Variants in LRMDA observed in about 807,000 individuals in gnomAD.
LRMDA encodes the protein leucine rich melanocyte differentiation associated, also known as leucine-rich melanocyte differentiation-associated protein.
LRMDA carries 18 observed loss-of-function variants against 29.8 expected under a neutral mutation model. That is an observed-to-expected ratio of 0.60 (90% confidence interval 0.42 to 0.90). The LOEUF (loss-of-function observed/expected upper bound fraction) is 0.90, where lower values mean the gene tolerates loss of function less well. Among genes scored for constraint, LRMDA ranks in the 40% least tolerant of loss-of-function variants. The pLI, the probability that LRMDA is intolerant of heterozygous loss-of-function variation, is 0.00. For missense variants in LRMDA, 273 were observed against 273.9 expected (o/e 1.00, Z 0.02); for synonymous variants, 125 against 109.4 (o/e 1.14, Z -0.89).
At chr10:76,286,623 C>T (rs1044099504) in intron 5 of LRMDA, among the ~76,000 whole-genome samples, 1 of 152,144 alleles carries the variant, frequency 6.6e-6, no homozygotes, top group African/African-American at 2.4e-5. Flanking sequence ...TAGCAAAAAT[C>T]AACCCACCAT....
intron 2 of LRMDA, among the ~76,000 whole-genome samples, chr10:75,562,542 AT>A: frequency 6.6e-6 from 1 of 152,160 alleles, no homozygotes; most frequent in South Asian, 2.1e-4. Flanking sequence ...TAAAGTTAAT[AT>A]TGTTATGTGT....
intron 6 of LRMDA, among the ~76,000 whole-genome samples, chr10:76,400,130 G>A (rs936894263): frequency 6.6e-6 from 1 of 152,204 alleles, no homozygotes; most frequent in African/African-American, 2.4e-5. Flanking sequence ...TGATCTTGAT[G>A]AAGTAAGAAG....
chr10:76,171,569 T>A (rs545450236), intron 5 of LRMDA, among the ~76,000 whole-genome samples: 2 of 152,318 alleles, frequency 1.3e-5, no homozygotes, highest in Admixed American at 1.3e-4. Flanking sequence ...TACCCACTGC[T>A]CTGGCCTTTA....
chr10:76,138,343 A>T (rs1850134989), intron 5 of LRMDA, among the ~76,000 whole-genome samples: 1 of 152,108 alleles, frequency 6.6e-6, no homozygotes, highest in African/African-American at 2.4e-5. Context: ...CCACTCCTTG[A>T]ATTTTGCCCA....
At chr10:75,551,457 T>C (rs1003684510) in intron 2 of LRMDA, among the ~76,000 whole-genome samples, 18 of 152,062 alleles carry the variant, frequency 1.2e-4, no homozygotes, top group African/African-American at 4.1e-4. Context: ...CTACATTATG[T>C]ATGTCTTCTA....
intron 6 of LRMDA, among the ~76,000 whole-genome samples, chr10:76,375,804 G>A (rs1841510341): frequency 1.3e-5 from 2 of 149,952 alleles, no homozygotes; most frequent in African/African-American, 2.5e-5. Flanking sequence ...GCTTGATAAA[G>A]AGCATAGTCT....
chr10:75,621,281 T>G (rs1841183252), intron 2 of LRMDA, among the ~76,000 whole-genome samples: 1 of 151,996 alleles, frequency 6.6e-6, no homozygotes, highest in African/African-American at 2.4e-5. Context: ...TTGATGGGCA[T>G]TTGGGCTGGT....
At chr10:76,384,318 A>G (rs1396600159) in intron 6 of LRMDA, among the ~76,000 whole-genome samples, 2 of 152,238 alleles carry the variant, frequency 1.3e-5, no homozygotes, top group Admixed American at 1.3e-4. Flanking sequence ...GTTATCTACT[A>G]TATGCCAGAT....
At chr10:75,552,537 A>G in intron 2 of LRMDA, 1 of 486,564 alleles carries the variant, frequency 2.1e-6, no homozygotes, top group Non-Finnish European at 4.3e-6. Flanking sequence ...AAAATCAAAG[A>G]TACAAGTGCC....
intron 2 of LRMDA, among the ~76,000 whole-genome samples, chr10:75,444,107 A>G (rs549609947): frequency 6.6e-6 from 1 of 152,328 alleles, no homozygotes; most frequent in African/African-American, 2.4e-5. Context: ...TTATGAACTT[A>G]TAAGTTCTGG....
intron 2 of LRMDA, among the ~76,000 whole-genome samples, chr10:75,897,818 T>C (rs199726664): frequency 3.4e-3 from 63 of 18,282 alleles, no homozygotes; most frequent in East Asian, 0.015. Context: ...TCTTCCTGCC[T>C]TTTTTTTTTT....
intron 2 of LRMDA, among the ~76,000 whole-genome samples, chr10:75,679,560 C>T (rs994813410): frequency 6.6e-6 from 1 of 152,158 alleles, no homozygotes; most frequent in African/African-American, 2.4e-5. Context: ...ATGCATCTCT[C>T]TTGGGGTATT....
At chr10:75,910,864 T>C (rs1845830877) in intron 2 of LRMDA, among the ~76,000 whole-genome samples, 1 of 152,208 alleles carries the variant, frequency 6.6e-6, no homozygotes, top group South Asian at 2.1e-4. Flanking sequence ...ACTCATATGC[T>C]TTCCATGGGT....
chr10:76,426,925 A>G (rs1057420753), intron 6 of LRMDA, among the ~76,000 whole-genome samples: 1 of 151,952 alleles, frequency 6.6e-6, no homozygotes. Context: ...GATGTGTGGT[A>G]TTATTTCTGA....
At chr10:75,443,157 C>T (rs1030919377) in intron 2 of LRMDA, among the ~76,000 whole-genome samples, 11 of 152,130 alleles carry the variant, frequency 7.2e-5, no homozygotes, top group Admixed American at 5.9e-4. Flanking sequence ...CAAACAGAGA[C>T]AATTTTACTT....
intron 1 of LRMDA, among the ~76,000 whole-genome samples, chr10:75,432,356 A>G (rs1170583842): frequency 6.6e-6 from 1 of 152,122 alleles, no homozygotes; most frequent in African/African-American, 2.4e-5. Context: ...TTCTCTTTCC[A>G]CACTCGATTT....
At chr10:76,253,994 C>T (rs1303636038) in intron 5 of LRMDA, among the ~76,000 whole-genome samples, 1 of 152,060 alleles carries the variant, frequency 6.6e-6, no homozygotes, top group Non-Finnish European at 1.5e-5. Context: ...TTCTGCCTTT[C>T]CTCTGTCATT....
chr10:76,348,066 T>G (rs1042237795), intron 6 of LRMDA, among the ~76,000 whole-genome samples: 5 of 152,118 alleles, frequency 3.3e-5, no homozygotes, highest in Non-Finnish European at 7.4e-5. Context: ...ATTTTAGATA[T>G]GCTGAGCAGT....
chr10:76,071,695 C>T (rs781421713), intron 5 of LRMDA, among the ~76,000 whole-genome samples: 16 of 152,202 alleles, frequency 1.1e-4, no homozygotes, highest in Non-Finnish European at 1.9e-4. Flanking sequence ...CTGCTACAAA[C>T]AGTTCACTGT....
Sources: allele counts gnomAD v4.1 joint callset (sites outside exome capture counted in the v4.1 genomes callset), GRCh38; gene constraint gnomAD v4.1.1; transcripts MANE v1.5; gene names NCBI Gene and HGNC (gene_info 2026-07-23, HGNC 2026-07-21).